Variants in CNGB1 observed in about 807,000 individuals in gnomAD.
The protein encoded by CNGB1 is cyclic nucleotide gated channel subunit beta 1, also known as cyclic nucleotide-gated channel beta-1.
Under a neutral mutation model 151.7 loss-of-function variants are expected in CNGB1, and 126 were observed. The observed-to-expected ratio is 0.83, with a 90% CI of 0.72 to 0.96. The LOEUF (loss-of-function observed/expected upper bound fraction) is 0.96, where lower values mean the gene tolerates loss of function less well. Among genes scored for constraint, CNGB1 ranks in the 40% least tolerant of loss-of-function variants. The pLI is 0.00. For missense variants in CNGB1, 1,698 were observed against 1,627.0 expected (o/e 1.04, Z -0.75); for synonymous variants, 623 against 635.1 (o/e 0.98, Z 0.29).
At chr16:57,958,112 C>T (rs751069118) in intron 11 of CNGB1, among the ~76,000 whole-genome samples, 32 of 152,176 alleles carry the variant, frequency 2.1e-4, no homozygotes, top group Non-Finnish European at 4.1e-4. Flanking sequence ...TTTGCACATG[C>T]TTGGAGGCCA....
In CNGB1 at chr16:57,959,921, G is replaced by A. The variant is rs556998723; in HGVS notation, c.728C>T (p.Thr243Ile). 1 of 1,575,514 alleles carries A rather than the reference G, an allele frequency of 6.3e-7. No homozygotes were observed. The highest frequency in any genetic ancestry group is 8.6e-7 in the Non-Finnish European group (1 of 1,159,152). Residue 243 changes from threonine (T) to isoleucine (I), a missense_variant, in exon 10 of 33, where the codon ACC (threonine) becomes ATC (isoleucine). Thr to Ile is a moderately conservative substitution (Grantham distance 89). Coordinates refer to ENST00000251102, the MANE Select transcript of CNGB1 (RefSeq NM_001297.5). ...GTCCCTGGTTGGTGGCAGGGAGGAGGTCTGGGCCTGGGAGCCGGGCTGGGG... is the reference window on the plus strand; with the variant it reads ...GTCCCTGGTTGGTGGCAGGGAGGAGATCTGGGCCTGGGAGCCGGGCTGGGG... ...PEPQPGSQAQ[T>I]SSLPPTRDPA... is the part of the protein sequence containing the mutation.
At position 57,897,612 on chromosome 16, in the gene CNGB1, T is replaced by C. The variant is rs944407581; in HGVS notation, c.3096-69A>G. The C allele has an allele frequency of 5.0e-6, 8 of 1,609,226 alleles. No individual in the cohort carries two copies. In the African/African-American group the frequency reaches 1.1e-4, roughly 22 times the overall value. ...TTTCGGTCACATTCAGATCTTCATT[T>C]CCCATGTGTGGAGGACAGTGGTGGC... On this transcript the variant is annotated intron_variant, in intron 30 of 32. Transcript: ENST00000251102.
intron 20 of CNGB1, 125 bp from the exon 21 acceptor site, chr16:57,917,601 T>C: frequency 1.4e-6 from 1 of 702,694 alleles, no homozygotes; most frequent in Non-Finnish European, 2.5e-6. Flanking sequence ...TGTAAGAGTG[T>C]GTGTATGTGT....
chr16:57,953,419 C>T (rs565150623), intron 12 of CNGB1, among the ~76,000 whole-genome samples: 83 of 149,520 alleles, frequency 5.6e-4, no homozygotes, highest in Non-Finnish European at 9.9e-4. Context: ...TGCTTGAACC[C>T]GGGAGGTAGA....
At chr16:57,956,341 G>A (rs564021503) in intron 12 of CNGB1, among the ~76,000 whole-genome samples, 1 of 152,268 alleles carries the variant, frequency 6.6e-6, no homozygotes, top group Admixed American at 6.5e-5. Flanking sequence ...ATGAGAGACT[G>A]CTTATGCCCT....
rs760909655 is a variant in CNGB1, at chr16:57,960,669, G to T, written c.535-139C>A. 14 of 1,307,178 alleles carry T rather than the reference G, an allele frequency of 1.1e-5. No homozygotes were observed. In the South Asian group the frequency reaches 1.5e-4, roughly 14 times the overall value. The allele number at this position is 1,307,178 out of a possible 1,614,324, so 81.0% of individuals were successfully genotyped here. ...GGGGGTGTCTCTCCTTCTGAATCCC[G>T]GCCCCCTCTCACAGTCACTCCTCCC... On this transcript the variant is annotated intron_variant, in intron 8 of 32. Coordinates refer to ENST00000251102, the MANE Select transcript of CNGB1 (RefSeq NM_001297.5).
intron 17 of CNGB1, among the ~76,000 whole-genome samples, chr16:57,926,180 A>G (rs1310631651): frequency 6.6e-6 from 1 of 152,114 alleles, no homozygotes; most frequent in Non-Finnish European, 1.5e-5. Flanking sequence ...TCAGAGGAGG[A>G]GCCTCTGAGA....
chr16:57,937,470 A>G (rs1200654924), intron 16 of CNGB1: 1 of 152,356 alleles, frequency 6.6e-6, no homozygotes, highest in Non-Finnish European at 1.5e-5. Context: ...ACCCAAAGCC[A>G]GAAGCATCGC....
intron 8 of CNGB1, 76 bp from the exon 9 acceptor site, chr16:57,960,606 T>A: frequency 6.4e-7 from 1 of 1,569,950 alleles, no homozygotes; most frequent in Non-Finnish European, 8.7e-7. Flanking sequence ...CTACCAGCTG[T>A]GTCCTGGCCC....
intron 27 of CNGB1, 110 bp from the exon 28 acceptor site, chr16:57,901,735 C>T (rs543592695): frequency 7.8e-5 from 64 of 815,508 alleles, no homozygotes; most frequent in South Asian, 7.1e-4. Context: ...ATTGCCCTGC[C>T]GCATGGAACC....
Position 57,912,573 on chromosome 16 carries a change from TG to T in CNGB1, c.2369+356del, listed in dbSNP as rs1332971520. Among the ~76,000 whole-genome samples the T allele has an allele frequency of 5.6e-3, 794 of 141,596 alleles. 7 individuals are homozygous for T. The highest frequency in any genetic ancestry group is 0.02 in the African/African-American group (720 of 35,752). 92.9% of individuals were successfully genotyped at this position (141,596 alleles called of 152,430 possible). The stretch of plus-strand genomic sequence containing the variant: ...TGTTCTAGGTGCAAACTTCCTGTGT[TG>T]TGTGTGTGTGTGTGTGTGTTGTGTG... On this transcript the variant is annotated intron_variant, in intron 24 of 32. Transcript: ENST00000251102.
At chr16:57,906,445 G>A (rs1464526241) in intron 25 of CNGB1, among the ~76,000 whole-genome samples, 1 of 152,214 alleles carries the variant, frequency 6.6e-6, no homozygotes, top group Non-Finnish European at 1.5e-5. Flanking sequence ...CAGGTGACGT[G>A]CAATGCGTGC....
At position 57,921,268 on chromosome 16, in the gene CNGB1, C is replaced by A. The variant is rs1596980764; in HGVS notation, c.1644-724G>T. Among the ~76,000 whole-genome samples the A allele has an allele frequency of 5.1e-5, 7 of 137,316 alleles. 3 individuals carry two copies. The Admixed American group carries it at 5.5e-4, about 11-fold the overall frequency. 90.1% of individuals were successfully genotyped at this position (137,316 alleles called of 152,430 possible). On this transcript the variant is annotated intron_variant, in intron 18 of 32. Coordinates refer to ENST00000251102, the MANE Select transcript of CNGB1 (RefSeq NM_001297.5). Reference sequence around the variant, plus strand: ...ATGAAGTTTCACTCTTGTCGCCCAGCTGGAGTGGCAGTGGTATGACCTCGG... The same window carrying A: ...ATGAAGTTTCACTCTTGTCGCCCAGATGGAGTGGCAGTGGTATGACCTCGG...
chr16:57,909,021 A>C (rs1485309310), intron 25 of CNGB1, among the ~76,000 whole-genome samples: 1 of 152,194 alleles, frequency 6.6e-6, no homozygotes, highest in Non-Finnish European at 1.5e-5. Flanking sequence ...TAACTCTAGC[A>C]CTTTGGGAGG....
At chr16:57,924,010 C>T (rs951118066) in intron 17 of CNGB1, among the ~76,000 whole-genome samples, 7 of 152,120 alleles carry the variant, frequency 4.6e-5, no homozygotes, top group African/African-American at 1.7e-4. Context: ...CATGGAGTAC[C>T]TCATTCTTGA....
intron 23 of CNGB1, among the ~76,000 whole-genome samples, chr16:57,913,541 T>C (rs1960789297): frequency 1.3e-5 from 2 of 152,122 alleles, no homozygotes; most frequent in South Asian, 2.1e-4. Flanking sequence ...AGTGCAGTGG[T>C]ACAGTCATAG....
intron 20 of CNGB1, 22 bp downstream of exon 20, chr16:57,919,077 A>T (rs2149365793): frequency 6.2e-7 from 1 of 1,614,154 alleles, no homozygotes; most frequent in Admixed American, 1.7e-5. Context: ...CACAGTGGGA[A>T]CACCCATTCC....
intron 13 of CNGB1, among the ~76,000 whole-genome samples, chr16:57,950,154 A>G (rs1480523322): frequency 6.6e-6 from 1 of 152,202 alleles, no homozygotes; most frequent in African/African-American, 2.4e-5. Context: ...CTGTACAAAA[A>G]GAAAAAAGGA....
At chr16:57,958,562 C>A in intron 10 of CNGB1, 77 bp from the exon 11 acceptor site, 2 of 1,344,130 alleles carry the variant, frequency 1.5e-6, no homozygotes, top group Non-Finnish European at 2.1e-6. Flanking sequence ...AGCTCGTTCC[C>A]AAGGCAGAAA....
Sources: allele counts gnomAD v4.1 joint callset (sites outside exome capture counted in the v4.1 genomes callset), GRCh38; gene constraint gnomAD v4.1.1; transcripts MANE v1.5; gene names NCBI Gene and HGNC (gene_info 2026-07-23, HGNC 2026-07-21).